Variants in PRG3 observed in about 807,000 individuals in gnomAD.
PRG3 encodes the protein proteoglycan 3, pro eosinophil major basic protein 2, also known as proteoglycan 3.
Under a neutral mutation model 26.1 loss-of-function variants are expected in PRG3, and 25 were observed. The ratio of observed to expected loss-of-function variants is 0.96; its 90% CI spans 0.70 to 1.34. The LOEUF (loss-of-function observed/expected upper bound fraction) is 1.34, where lower values mean the gene tolerates loss of function less well. Ranked by LOEUF, PRG3 falls within the 40% of genes most tolerant of loss-of-function variation. The probability of loss-of-function intolerance (pLI) is 0.00; values close to 1 mark genes in which losing one functional copy is unlikely to be tolerated. For missense variants in PRG3, 280 were observed against 264.8 expected, an observed-to-expected ratio of 1.06 and a Z score of -0.40; for synonymous variants, 111 against 100.4, an observed-to-expected ratio of 1.11 and a Z score of -0.63.
At position 57,378,456 on chromosome 11, in the gene PRG3, C is replaced by A. The variant is rs1209220370; in HGVS notation, c.507+225G>T. Among the ~76,000 whole-genome samples the A allele has an allele frequency of 4.2e-3, 646 of 152,236 alleles. 2 individuals are homozygous for A. Among genetic ancestry groups the A allele is most frequent in the Non-Finnish European group, 6.6e-3 (451 of 68,032 alleles). ...GCCTATTTCCTTTGTGTAAATACTC[C>A]CACCATGGCTGATGTCAAGCTGCAA... is the stretch of plus-strand genomic sequence containing the variant. On this transcript the variant is annotated intron_variant, in intron 4 of 5. Coordinates refer to ENST00000287143, the MANE Select transcript of PRG3 (RefSeq NM_006093.4).
chr11:57,378,287 A>G (rs551330932), intron 4 of PRG3, among the ~76,000 whole-genome samples: 23 of 151,802 alleles, frequency 1.5e-4, no homozygotes, highest in African/African-American at 5.1e-4. Context: ...GCTCCAAGAA[A>G]CCTATTTAAC....
Position 57,377,900 on chromosome 11 carries a change from C to G in PRG3, c.508-64G>C, listed in dbSNP as rs978340019. Reference sequence around the variant, plus strand: ...AGATCCAGGACCTCATGGAATACCCCCTGTTGACTTCTCTCACTGCCTACC... The same window carrying G: ...AGATCCAGGACCTCATGGAATACCCGCTGTTGACTTCTCTCACTGCCTACC... On this transcript the variant is annotated intron_variant, in intron 4 of 5. Coordinates refer to ENST00000287143, the MANE Select transcript of PRG3 (RefSeq NM_006093.4). 7 of 1,358,484 alleles carry G rather than the reference C, an allele frequency of 5.2e-6. No individual in the cohort carries two copies. In the Admixed American group the frequency reaches 7.3e-5, roughly 14 times the overall value. 84.2% of individuals were successfully genotyped at this position (1,358,484 alleles called of 1,614,324 possible).
intron 3 of PRG3, 130 bp from the exon 4 acceptor site, chr11:57,378,942 T>A: frequency 9.7e-7 from 1 of 1,029,832 alleles, no homozygotes; most frequent in East Asian, 2.4e-5. Context: ...TATCTTTTGC[T>A]TCTTAATTAG....
chr11:57,379,794 G>A lies in PRG3; in HGVS notation c.75C>T (p.Pro25=), dbSNP rs538584062. The A allele has an allele frequency of 3.1e-6, 5 of 1,607,472 alleles. No individual in the cohort carries two copies. In the South Asian group the frequency reaches 5.5e-5, roughly 18 times the overall value. Residue 25 remains proline, a synonymous_variant, in exon 3 of 6, where the codon CCC becomes CCT. Transcript: ENST00000287143. The part of the protein sequence containing the change: ...VSALHLENDA[P]HLESLETQAD... ...CCTGTGTCTCTAGGCTCTCCAGATG[G>A]GGGGCATCATTCTCTGGGAAGAAGA...
In PRG3 at chr11:57,378,810, A is replaced by G; in HGVS notation, c.378T>C (p.Asn126=). ...TGCCTCCGTAGCATCTGCTGCAGAC[A>G]TTCTGCAGACGGAAACAAAGTAGAG... ...RTPKTFAEAQ[N]VCSRCYGGNL... is the part of the protein sequence containing the mutation. The change falls in exon 4 of 6, where the codon AAT becomes AAC. Residue 126 remains asparagine (N), a splice_region_variant and synonymous_variant. Transcript: ENST00000287143. The G allele has an allele frequency of 6.2e-7, 1 of 1,613,534 alleles. No individual in the cohort carries two copies. Among genetic ancestry groups the G allele is most frequent in the Non-Finnish European group, 8.5e-7 (1 of 1,179,798 alleles).
chr11:57,379,363 TAAC>T (rs550010381), intron 3 of PRG3, 128 bp downstream of exon 3: 129 of 976,534 alleles, frequency 1.3e-4, no homozygotes, highest in African/African-American at 8.6e-4. Context: ...AGCTGTGTTT[TAAC>T]AACAACTCCA....
chr11:57,378,883 C>T (rs752439109), intron 3 of PRG3, 71 bp from the exon 4 acceptor site: 91 of 1,581,962 alleles, frequency 5.8e-5, no homozygotes, highest in Non-Finnish European at 6.3e-5. Flanking sequence ...GGCAAGAGCC[C>T]GGCATCCCTT....
chr11:57,378,388 T>C (rs1385177826), intron 4 of PRG3, among the ~76,000 whole-genome samples: 1 of 151,542 alleles, frequency 6.6e-6, no homozygotes, highest in Non-Finnish European at 1.5e-5. Context: ...TTGGGGTGGG[T>C]GGGAGGATGG....
At position 57,379,519 on chromosome 11, in the gene PRG3, G is replaced by T; in HGVS notation, c.350C>A (p.Thr117Asn). The part of the protein sequence containing the change: ...CKICRYLLVR[T>N]PKTFAEAQNV... Reference sequence around the variant, plus strand: ...CTGAGCTTCTGCAAAAGTTTTAGGAGTCCGCACCAATAGGTAGCGGCAGAT... The same window carrying T: ...CTGAGCTTCTGCAAAAGTTTTAGGATTCCGCACCAATAGGTAGCGGCAGAT... Residue 117 changes from threonine (T) to asparagine (N), a missense_variant, in exon 3 of 6, where the codon ACT (threonine) becomes AAT (asparagine). Physicochemically the swap from Thr to Asn is moderately conservative, Grantham distance 65 (BLOSUM62 0). Transcript: ENST00000287143. The T allele has an allele frequency of 6.2e-7, 1 of 1,612,876 alleles. No homozygotes were observed. The highest frequency in any genetic ancestry group is 8.5e-7 in the Non-Finnish European group (1 of 1,179,402).
At chr11:57,380,176 C>A (rs1378487351) in intron 2 of PRG3, among the ~76,000 whole-genome samples, 1 of 152,046 alleles carries the variant, frequency 6.6e-6, no homozygotes, top group Admixed American at 6.5e-5. Flanking sequence ...CCGGGGCGGG[C>A]GAATCACAAG....
rs757942906 is a variant in PRG3 at position 57,376,812 on chromosome 11, C to T, written c.*38G>A. Reference sequence around the variant, plus strand: ...TTTATGAGCAGGAGAGGTTGGGGGACGGGAGGGAGCTGCTGGCAGGGTCTC... The same window carrying T: ...TTTATGAGCAGGAGAGGTTGGGGGATGGGAGGGAGCTGCTGGCAGGGTCTC... On this transcript the variant is annotated 3_prime_UTR_variant, in exon 6 of 6. Coordinates refer to ENST00000287143, the MANE Select transcript of PRG3 (RefSeq NM_006093.4). 4 of 1,604,230 alleles carry T rather than the reference C, an allele frequency of 2.5e-6. No homozygotes were observed. The highest frequency in any genetic ancestry group is 1.1e-5 in the South Asian group (1 of 90,866).
At position 57,378,413 on chromosome 11, in the gene PRG3, C is replaced by T. The variant is rs75414931; in HGVS notation, c.507+268G>A. ...TGGGAGGATGGGGAGTAGAAAGGAG[C>T]CCTGATGTGTAGCAATTGCCTATTT... On this transcript the variant is annotated intron_variant, in intron 4 of 5. Transcript: ENST00000287143. Among the ~76,000 whole-genome samples, 253 of 152,230 alleles carry T rather than the reference C, an allele frequency of 1.7e-3. 6 individuals are homozygous for T. The East Asian group carries it at 0.044, about 27-fold the overall frequency.
rs1450332276 is a variant in PRG3 at position 57,378,684 on chromosome 11, G to C, written c.504C>G (p.Gly168=). ...CAAGATTTGGCCCCTGACTTACCCA[G>C]CCCCTGAGGTTGCCTCCAATCCAGA... The part of the protein sequence containing the change: ...AQVWIGGNLR[G]WFLWKRFCWT... The change falls in exon 4 of 6, where the codon GGC becomes GGG. Residue 168 remains glycine, a synonymous_variant. Coordinates refer to ENST00000287143, the MANE Select transcript of PRG3 (RefSeq NM_006093.4). 1 of 1,613,330 alleles carries C rather than the reference G, an allele frequency of 6.2e-7. No individual in the cohort carries two copies. Among genetic ancestry groups the C allele is most frequent in the Non-Finnish European group, 8.5e-7 (1 of 1,179,670 alleles).
rs1409830547 is a variant in PRG3 at position 57,380,779 on chromosome 11, C to A, written c.-71G>T. 10 of 1,086,356 alleles carry A rather than the reference C, an allele frequency of 9.2e-6. No homozygotes were observed. Among genetic ancestry groups the A allele is most frequent in the East Asian group, 9.0e-5 (3 of 33,292 alleles). The allele number at this position is 1,086,356 out of a possible 1,614,324, so 67.3% of individuals were successfully genotyped here. On this transcript the variant is annotated splice_region_variant and 5_prime_UTR_variant, in exon 2 of 6. Coordinates refer to ENST00000287143, the MANE Select transcript of PRG3 (RefSeq NM_006093.4). ...GGCTGTCTTTGTGTGTCTAGTATAG[C>A]CCCTGGCACATAGTATAGAGGGAAT...
intron 1 of PRG3, 29 bp from the exon 2 acceptor site, chr11:57,380,810 T>C: frequency 1.2e-6 from 1 of 803,624 alleles, no homozygotes; most frequent in Non-Finnish European, 1.8e-6. Flanking sequence ...GGAATATTTG[T>C]TTAATTGTTT....
In PRG3 at chr11:57,377,759, A is replaced by G. The variant is rs115264983; in HGVS notation, c.585T>C (p.Asn195=). The stretch of plus-strand genomic sequence containing the variant: ...ATAGGGCCACACAGGAGCCTTGCCC[A>G]TTCCCAGGTTGCCCTGGGGACCAGT... ...FAYWSPGQPG[N]GQGSCVALCT... is the part of the protein sequence containing the mutation. Residue 195 remains asparagine (N), a synonymous_variant, in exon 5 of 6, where the codon AAT becomes AAC. Transcript: ENST00000287143. 7.4e-6 allele frequency: 12 copies of G among 1,613,070 alleles called. No homozygotes were observed. In the Admixed American group the frequency reaches 1.8e-4, roughly 25 times the overall value.
At chr11:57,378,275 A>G (rs1442875386) in intron 4 of PRG3, among the ~76,000 whole-genome samples, 1 of 152,010 alleles carries the variant, frequency 6.6e-6, no homozygotes, top group African/African-American at 2.4e-5. Context: ...AAAAAAACAG[A>G]GGCTCCAAGA....
chr11:57,380,990 C>T lies in PRG3; in HGVS notation c.-74+124G>A, dbSNP rs554704859. 12 of 260,652 alleles carry T rather than the reference C, an allele frequency of 4.6e-5. No individual in the cohort carries two copies. The South Asian group carries it at 5.9e-4, about 13-fold the overall frequency. The allele number at this position is 260,652 out of a possible 1,614,324, so 16.1% of individuals were successfully genotyped here. ...CCCTTAGCCCAGACTCCTGCCCCTG[C>T]GGGGACAGGTCTGCTTAGCTATGAT... On this transcript the variant is annotated intron_variant, in intron 1 of 5. Transcript: ENST00000287143.
chr11:57,378,423 T>A (rs1856964271), intron 4 of PRG3, among the ~76,000 whole-genome samples: 1 of 152,064 alleles, frequency 6.6e-6, no homozygotes, highest in South Asian at 2.1e-4. Flanking sequence ...CCCTGATGTG[T>A]AGCAATTGCC....
Sources: allele counts gnomAD v4.1 joint callset (sites outside exome capture counted in the v4.1 genomes callset), GRCh38; gene constraint gnomAD v4.1.1; transcripts MANE v1.5; gene names NCBI Gene and HGNC (gene_info 2026-07-23, HGNC 2026-07-21).